The following ATIC variants were observed in gnomAD, a reference collection of about 807,000 sequenced individuals.
ATIC encodes the protein bifunctional purine biosynthesis protein ATIC.
A neutral mutation model predicts 72.5 loss-of-function variants in ATIC; 64 were observed. The ratio of observed to expected loss-of-function variants is 0.88; its 90% CI spans 0.72 to 1.09. ATIC has a LOEUF of 1.09. Among genes scored for constraint, ATIC ranks in the 50% least tolerant of loss-of-function variants. The probability of loss-of-function intolerance (pLI) is 0.00; values close to 1 mark genes in which losing one functional copy is unlikely to be tolerated. For synonymous variants in ATIC, 281 were observed against 267.1 expected (o/e 1.05, Z -0.51); for missense variants, 787 against 732.4 (o/e 1.07, Z -0.86).
the ATIC span, chr2:215,364,667 T>G: frequency 1.7e-6 from 1 of 598,790 alleles, no homozygotes; most frequent in South Asian, 2.0e-5. Flanking sequence ...CATTCATTCT[T>G]TCTACTAAGA....
intron 11 of ATIC, 23 bp downstream of exon 11, chr2:215,336,147 GC>G: frequency 6.5e-7 from 1 of 1,533,662 alleles, no homozygotes; most frequent in Non-Finnish European, 9.0e-7. Flanking sequence ...CATGTTTGAA[GC>G]GGTAATTTGC....
rs1206431611 is a variant in ATIC at position 215,326,076 on chromosome 2, G to A, written c.469G>A (p.Glu157Lys). 11 of 1,614,052 alleles carry A rather than the reference G, an allele frequency of 6.8e-6. No homozygotes were observed. Among genetic ancestry groups the A allele is most frequent in the Non-Finnish European group, 9.3e-6 (11 of 1,180,034 alleles). Residue 157 changes from glutamate to lysine, a missense_variant, in exon 6 of 16, where the codon GAG becomes AAG. Physicochemically the swap from Glu to Lys is moderately conservative, Grantham distance 56 (BLOSUM62 1). Transcript: ENST00000236959. ...AGAGGACTATGTGGTGGTGTCCACG[G>A]AGATGCAGAGCTCCGAGAGTAAGGA... ...EPEDYVVVST[E>K]MQSSESKDTS...
chr2:215,361,308 C>T, the ATIC span: 2 of 466,056 alleles, frequency 4.3e-6, no homozygotes, highest in Non-Finnish European at 7.7e-6. Context: ...ATTTAAAATA[C>T]TGAGCGGTAT....
At chr2:215,315,370 A>T (rs4672763) in intron 2 of ATIC, among the ~76,000 whole-genome samples, 138,589 of 151,884 alleles carry the variant, frequency 0.91, 64,399 homozygotes, top group East Asian at 1. Flanking sequence ...ATATATATAT[A>T]TTTTTTTAGA....
chr2:215,361,439 A>T, the ATIC span: 1 of 829,304 alleles, frequency 1.2e-6, no homozygotes, highest in Non-Finnish European at 2.1e-6. Context: ...AACTTCCTCC[A>T]GAGCAAAGGG....
downstream of ATIC, among the ~76,000 whole-genome samples, chr2:215,352,347 C>T (rs373588889): frequency 1.8e-3 from 272 of 152,178 alleles, no homozygotes; most frequent in African/African-American, 6.2e-3. Context: ...TTTGGGAGGC[C>T]GAGGTGGGTG....
chr2:215,320,576 TAATTTAATTTAA>T (rs2052755929), intron 4 of ATIC, among the ~76,000 whole-genome samples: 1 of 152,114 alleles, frequency 6.6e-6, no homozygotes, highest in East Asian at 1.9e-4. Flanking sequence ...CTTTTATTCT[TAATTTAATTTAA>T]TTTTATTTTG....
chr2:215,326,282 C>T, intron 6 of ATIC, 144 bp downstream of exon 6: 1 of 1,103,396 alleles, frequency 9.1e-7, no homozygotes. Context: ...AATGGAGAAA[C>T]CAGCTATTAC....
chr2:215,356,392 C>T, the ATIC span, among the ~76,000 whole-genome samples: 1 of 152,230 alleles, frequency 6.6e-6, no homozygotes, highest in African/African-American at 2.4e-5. Context: ...TACCCCACAT[C>T]TCTTCCTCAT....
chr2:215,339,837 T>C (rs1362249441), intron 12 of ATIC, among the ~76,000 whole-genome samples: 2 of 152,048 alleles, frequency 1.3e-5, no homozygotes, highest in African/African-American at 2.4e-5. Flanking sequence ...GGTGTTTCAC[T>C]GTGTTAGCCA....
Position 215,326,162 on chromosome 2 carries a change from G to C in ATIC, c.531+24G>C. ...AGGTGGGATGCACTTTCATGATATT[G>C]TAAGTTACATCCATGGAGTGCAGTG... On this transcript the variant is annotated intron_variant, in intron 6 of 15. Transcript: ENST00000236959. The C allele has an allele frequency of 2.5e-6, 4 of 1,613,402 alleles. No homozygotes were observed. In the South Asian group the frequency reaches 4.4e-5, roughly 18 times the overall value.
At position 215,349,191 on chromosome 2, in the gene ATIC, T is replaced by A; in HGVS notation, c.1601T>A (p.Val534Asp). ...KKEWVEKLTE[V>D]SISSDAFFPF... ...GAATGGGTTGAGAAACTGACTGAAG[T>A]TTCTATCAGCTCTGATGCCTTCTTC... The change falls in exon 15 of 16, where the codon GTT becomes GAT. Residue 534 changes from valine (V) to aspartate (D), a missense_variant. Val to Asp is a radical substitution (Grantham distance 152). Transcript: ENST00000236959. The A allele has an allele frequency of 6.2e-7, 1 of 1,614,158 alleles. No individual in the cohort carries two copies. Among genetic ancestry groups the A allele is most frequent in the African/African-American group, 1.3e-5 (1 of 75,042 alleles).
At chr2:215,365,036 A>G in the ATIC span, 13 of 1,180,884 alleles carry the variant, frequency 1.1e-5, no homozygotes, top group Non-Finnish European at 1.5e-5. Flanking sequence ...ACAATACTGC[A>G]GACTTGATCT....
At chr2:215,327,736 G>A (rs1235003055) in intron 7 of ATIC, among the ~76,000 whole-genome samples, 1 of 152,110 alleles carries the variant, frequency 6.6e-6, no homozygotes, top group Non-Finnish European at 1.5e-5. Flanking sequence ...TCCTGCCTGG[G>A]GCGGTCAGCA....
intron 4 of ATIC, among the ~76,000 whole-genome samples, chr2:215,324,513 C>A (rs2052801619): frequency 1.3e-5 from 2 of 152,100 alleles, no homozygotes; most frequent in Non-Finnish European, 2.9e-5. Context: ...AGTAGGAGGG[C>A]AGTAGACTTA....
intron 9 of ATIC, 136 bp downstream of exon 9, chr2:215,333,593 A>G (rs1575120584): frequency 3.4e-6 from 2 of 579,914 alleles, no homozygotes; most frequent in South Asian, 6.0e-5. Flanking sequence ...AAGGACTTCT[A>G]TCTCTATGTA....
rs1174607980 is a variant in ATIC at position 215,349,681 on chromosome 2, T to C, written c.*26T>C. 3 of 1,614,200 alleles carry C rather than the reference T, an allele frequency of 1.9e-6. No individual in the cohort carries two copies. Among genetic ancestry groups the C allele is most frequent in the African/African-American group, 1.3e-5 (1 of 75,044 alleles). On this transcript the variant is annotated 3_prime_UTR_variant, in exon 16 of 16. Coordinates refer to ENST00000236959, the MANE Select transcript of ATIC (RefSeq NM_004044.7). ...TTTTACCACACACTGTTTTTTGGCT[T>C]GCTTATGTGTAGGTGAACAGTCACG... is the stretch of plus-strand genomic sequence containing the variant.
chr2:215,325,346 A>G lies in ATIC; in HGVS notation c.379+17A>G, dbSNP rs772768704. 1 of 1,567,588 alleles carries G rather than the reference A, an allele frequency of 6.4e-7. No homozygotes were observed. The highest frequency in any genetic ancestry group is 8.8e-7 in the Non-Finnish European group (1 of 1,137,666). ...TTGACATTGGTAAGTCAGAAAAACC[A>G]TTTTAGAAGACTGAGAGGAGAGGAT... On this transcript the variant is annotated intron_variant, in intron 5 of 15. Transcript: ENST00000236959.
At chr2:215,335,059 CATA>C in intron 10 of ATIC, 55 bp downstream of exon 10, 1 of 1,301,958 alleles carries the variant, frequency 7.7e-7, no homozygotes, top group Non-Finnish European at 1.1e-6. Flanking sequence ...TTTATTTGTT[CATA>C]ATGTTAATTG....
Sources: gnomAD v4.1 joint callset for allele counts (sites outside exome capture counted in the v4.1 genomes callset) on GRCh38, gnomAD v4.1.1 for gene constraint, MANE v1.5 for transcripts, NCBI Gene and HGNC (gene_info 2026-07-23, HGNC 2026-07-21) for gene names.